UNC5D: variants seen among roughly 807,000 people sequenced by gnomAD.
UNC5D encodes netrin receptor UNC5D.
Under a neutral mutation model 105.4 loss-of-function variants are expected in UNC5D, and 39 were observed. The ratio of observed to expected loss-of-function variants is 0.37; its 90% CI spans 0.29 to 0.48. The LOEUF is 0.48. Ranked by LOEUF, UNC5D falls within the 20% of genes least tolerant of loss-of-function variation. The pLI is 0.98. For missense variants in UNC5D, 991 were observed against 1,202.4 expected (o/e 0.82, Z 2.60); for synonymous variants, 452 against 450.4 (o/e 1.00, Z -0.04).
intron 1 of UNC5D, among the ~76,000 whole-genome samples, chr8:35,244,822 A>G (rs1802991842): frequency 6.6e-6 from 1 of 151,928 alleles, no homozygotes. Context: ...ACTAGCCTGG[A>G]CAACATAGCC....
intron 1 of UNC5D, among the ~76,000 whole-genome samples, chr8:35,479,888 A>G (rs1024729621): frequency 1.3e-5 from 2 of 152,156 alleles, no homozygotes; most frequent in Admixed American, 6.6e-5. Context: ...CAATTTAACC[A>G]TATAACAAAT....
chr8:35,645,431 A>G (rs938937933), intron 4 of UNC5D, among the ~76,000 whole-genome samples: 1 of 152,150 alleles, frequency 6.6e-6, no homozygotes, highest in African/African-American at 2.4e-5. Flanking sequence ...ATCTTTTAGC[A>G]AAATAATGCA....
intron 4 of UNC5D, among the ~76,000 whole-genome samples, chr8:35,665,672 T>C (rs551610721): frequency 6.6e-6 from 1 of 151,772 alleles, no homozygotes; most frequent in East Asian, 1.9e-4. Flanking sequence ...TTTGCATTTT[T>C]TTCATTTTGC....
At chr8:35,534,019 C>T (rs952835963) in intron 1 of UNC5D, among the ~76,000 whole-genome samples, 3 of 149,340 alleles carry the variant, frequency 2.0e-5, no homozygotes, top group Non-Finnish European at 4.5e-5. Flanking sequence ...GCGTCGCTCA[C>T]GCTGGGAACT....
intron 4 of UNC5D, among the ~76,000 whole-genome samples, chr8:35,660,813 G>A (rs966105965): frequency 2.0e-5 from 3 of 152,104 alleles, no homozygotes; most frequent in Non-Finnish European, 4.4e-5. Context: ...GGTTCTAATT[G>A]CTCTTATTCC....
intron 4 of UNC5D, among the ~76,000 whole-genome samples, chr8:35,639,882 T>C (rs1822605919): frequency 6.6e-6 from 1 of 151,890 alleles, no homozygotes; most frequent in African/African-American, 2.4e-5. Context: ...CCCCCATGCC[T>C]GGCTATTTTT....
intron 1 of UNC5D, among the ~76,000 whole-genome samples, chr8:35,276,360 C>T (rs1296653292): frequency 1.3e-5 from 2 of 152,082 alleles, no homozygotes; most frequent in African/African-American, 4.8e-5. Flanking sequence ...TGAATTAGCA[C>T]AGCTAATAAA....
At chr8:35,688,827 G>C (rs1826197968) in intron 7 of UNC5D, among the ~76,000 whole-genome samples, 1 of 152,184 alleles carries the variant, frequency 6.6e-6, no homozygotes, top group Admixed American at 6.5e-5. Flanking sequence ...CACATGGCCA[G>C]TGTCCATAGG....
intron 3 of UNC5D, among the ~76,000 whole-genome samples, chr8:35,571,687 T>C (rs1050835863): frequency 2.0e-5 from 3 of 152,216 alleles, no homozygotes; most frequent in African/African-American, 7.2e-5. Context: ...GTAAGCACTT[T>C]CCTGCAAGTG....
chr8:35,349,649 A>G (rs1335015969), intron 1 of UNC5D, among the ~76,000 whole-genome samples: 1 of 152,004 alleles, frequency 6.6e-6, no homozygotes, highest in East Asian at 1.9e-4. Context: ...TAGCTTTTTC[A>G]GACATTCTTT....
At chr8:35,652,237 A>C (rs1211966165) in intron 4 of UNC5D, among the ~76,000 whole-genome samples, 1 of 152,212 alleles carries the variant, frequency 6.6e-6, no homozygotes, top group Non-Finnish European at 1.5e-5. Flanking sequence ...GAACTTAAAG[A>C]GTCAACTAGT....
At chr8:35,553,286 T>C (rs952182617) in intron 2 of UNC5D, among the ~76,000 whole-genome samples, 6 of 151,946 alleles carry the variant, frequency 3.9e-5, no homozygotes. Flanking sequence ...GGCAACTCCA[T>C]GTCATGTGGA....
intron 4 of UNC5D, among the ~76,000 whole-genome samples, chr8:35,600,942 T>G (rs375789506): frequency 6.6e-6 from 1 of 152,098 alleles, no homozygotes; most frequent in Non-Finnish European, 1.5e-5. Flanking sequence ...GGTCTAACAT[T>G]TAAGTCTTTA....
chr8:35,465,220 G>C (rs1417601841), intron 1 of UNC5D, among the ~76,000 whole-genome samples: 1 of 152,144 alleles, frequency 6.6e-6, no homozygotes, highest in Non-Finnish European at 1.5e-5. Flanking sequence ...GCAAAACACT[G>C]TCTATGCAAA....
At chr8:35,375,365 G>C (rs1402350141) in intron 1 of UNC5D, among the ~76,000 whole-genome samples, 1 of 152,162 alleles carries the variant, frequency 6.6e-6, no homozygotes, top group Non-Finnish European at 1.5e-5. Flanking sequence ...TATACTTACA[G>C]GTGCTGGGGA....
At position 35,617,223 on chromosome 8, in the gene UNC5D, G is replaced by T. The variant is rs543282274; in HGVS notation, c.570+21566G>T. Among the ~76,000 whole-genome samples the T allele has an allele frequency of 6.6e-5, 10 of 152,264 alleles. No homozygotes were observed. In the South Asian group the frequency reaches 2.1e-3, roughly 32 times the overall value. Reference sequence around the variant, plus strand: ...TTGCTGTGATCCCCACATCCTAATTGCTCTGTGTATCATCTGTTTAGGAAG... The same window carrying T: ...TTGCTGTGATCCCCACATCCTAATTTCTCTGTGTATCATCTGTTTAGGAAG... On this transcript the variant is annotated intron_variant, in intron 4 of 16. Transcript: ENST00000404895.
intron 1 of UNC5D, among the ~76,000 whole-genome samples, chr8:35,237,456 G>T (rs1405004061): frequency 6.6e-6 from 1 of 151,888 alleles, no homozygotes; most frequent in South Asian, 2.1e-4. Context: ...CTTACTATTC[G>T]TGTGGAATAC....
At chr8:35,265,852 A>G (rs546089628) in intron 1 of UNC5D, among the ~76,000 whole-genome samples, 1 of 145,720 alleles carries the variant, frequency 6.9e-6, no homozygotes, top group Non-Finnish European at 1.5e-5. Context: ...CCTGAGCGAC[A>G]GAGCGAGACT....
chr8:35,678,472 A>G (rs1387779631), intron 4 of UNC5D, among the ~76,000 whole-genome samples: 1 of 152,222 alleles, frequency 6.6e-6, no homozygotes, highest in African/African-American at 2.4e-5. Context: ...AGATTATGAA[A>G]GATTTTACCT....
Sources: allele counts gnomAD v4.1 joint callset (sites outside exome capture counted in the v4.1 genomes callset), GRCh38; gene constraint gnomAD v4.1.1; transcripts MANE v1.5; gene names NCBI Gene and HGNC (gene_info 2026-07-23, HGNC 2026-07-21).